PPDPF: variants seen among roughly 807,000 people sequenced by gnomAD.
The protein encoded by PPDPF is pancreatic progenitor cell differentiation and proliferation factor.
In PPDPF, 11 loss-of-function variants were observed where a neutral mutation model predicts 6.3. The observed-to-expected ratio is 1.76, with a 90% CI of 1.11 to 2.91. The LOEUF (loss-of-function observed/expected upper bound fraction) is 2.91. PPDPF is among the 30% of genes most tolerant of loss of function. The pLI is 0.00. For synonymous variants in PPDPF, 86 were observed against 64.5 expected (o/e 1.33, Z -1.60); for missense variants, 202 against 159.4 (o/e 1.27, Z -1.44).
In PPDPF at chr20:63,520,776, GCC is replaced by G; in HGVS notation, c.-143_-142del. ...GTCCGCGCGTGCGCACCCCGCGCGC[GCC>G]TCTCTGTCGTGGCGCGGCTTCCCGC... On this transcript the variant is annotated 5_prime_UTR_variant, in exon 1 of 4. Transcript: ENST00000370179. 1 of 984,654 alleles carries G rather than the reference GCC, an allele frequency of 1.0e-6. No homozygotes were observed. The highest frequency in any genetic ancestry group is 1.7e-5 in the African/African-American group (1 of 57,154). The allele number at this position is 984,654 out of a possible 1,614,324, so 61.0% of individuals were successfully genotyped here.
In PPDPF at chr20:63,521,341, G is replaced by A; in HGVS notation, c.33G>A (p.Val11=). The A allele has an allele frequency of 6.2e-7, 1 of 1,608,804 alleles. No homozygotes were observed. Among genetic ancestry groups the A allele is most frequent in the Non-Finnish European group, 8.5e-7 (1 of 1,178,508 alleles). The change falls in exon 2 of 4, where the codon GTG becomes GTA. Residue 11 remains valine (V), a synonymous_variant. Coordinates refer to ENST00000370179, the MANE Select transcript of PPDPF (RefSeq NM_024299.4). ...CCATCCCCTCCAGCGGCTCGCTCGT[G>A]GCCACCCACGACTACTACCGGCGTG... is the stretch of plus-strand genomic sequence containing the variant. MAAIPSSGSL[V]ATHDYYRRRL...
In PPDPF at chr20:63,521,667, G is replaced by T; in HGVS notation, c.134-1G>T. 1 of 1,613,308 alleles carries T rather than the reference G, an allele frequency of 6.2e-7. No homozygotes were observed. Among genetic ancestry groups the T allele is most frequent in the East Asian group, 2.2e-5 (1 of 44,842 alleles). ...TCAAGACCCCACTTCGCTTCTCTCA[G>T]GTCTCCCCAAGGCTGACCCGGGTCA... On this transcript the variant is annotated splice_acceptor_variant, in intron 3 of 3. Coordinates refer to ENST00000370179, the MANE Select transcript of PPDPF (RefSeq NM_024299.4). LOFTEE classifies it high-confidence loss of function.
Position 63,521,583 on chromosome 20 carries a change from C to A in PPDPF, c.127C>A (p.Pro43Thr). The change falls in exon 3 of 4, where the codon CCC (proline) becomes ACC (threonine). Residue 43 changes from proline (P) to threonine (T), a missense_variant. Physicochemically the swap from Pro to Thr is conservative, Grantham distance 38. Coordinates refer to ENST00000370179, the MANE Select transcript of PPDPF (RefSeq NM_024299.4). Reference protein sequence around the residue: ...TECPGEAIPHPPGLPKADPGH... With the variant: ...TECPGEAIPHTPGLPKADPGH... ...GTGCCCCGGGGAAGCCATTCCCCAC[C>A]CCCCAGGTGAGTGCAGGATCGCCCC... is the stretch of plus-strand genomic sequence containing the variant. 3 of 1,609,400 alleles carry A rather than the reference C, an allele frequency of 1.9e-6. No homozygotes were observed. Among genetic ancestry groups the A allele is most frequent in the South Asian group, 1.1e-5 (1 of 90,736 alleles).
chr20:63,520,959 G>A, intron 1 of PPDPF, 65 bp downstream of exon 1: 3 of 1,010,338 alleles, frequency 3.0e-6, no homozygotes, highest in Non-Finnish European at 3.6e-6. Context: ...GGGCGGGGCT[G>A]GGCCGGGGGC....
rs549264979 is a variant in PPDPF, at chr20:63,521,475, C to T, written c.56-37C>T. The T allele has an allele frequency of 1.7e-5, 26 of 1,556,984 alleles. No homozygotes were observed. The East Asian group carries it at 4.5e-4, about 27-fold the overall frequency. ...TGAAGGCCGGTGGGCTGGGGGGCTC[C>T]GCGCCCCGCGTTGCTGACGGGACCT... On this transcript the variant is annotated intron_variant, in intron 2 of 3. Coordinates refer to ENST00000370179, the MANE Select transcript of PPDPF (RefSeq NM_024299.4).
rs779231314 is a variant in PPDPF at position 63,521,868 on chromosome 20, C to T, written c.334C>T (p.Pro112Ser). Reference sequence around the variant, plus strand: ...TCAGTCCAGCACAGCCAGCGCTGGGCCCCCGTCCTGACCTGAGCGGTTACC... The same window carrying T: ...TCAGTCCAGCACAGCCAGCGCTGGGTCCCCGTCCTGACCTGAGCGGTTACC... Reference protein sequence around the residue: ...GGQSSTASAGPPS With the variant: ...GGQSSTASAGSPS The change falls in exon 4 of 4, where the codon CCC becomes TCC. Residue 112 changes from proline (P) to serine (S), a missense_variant. Transcript: ENST00000370179. 1.3e-6 allele frequency: 2 copies of T among 1,589,510 alleles called. No individual in the cohort carries two copies. Among genetic ancestry groups the T allele is most frequent in the South Asian group, 1.1e-5 (1 of 88,670 alleles).
At chr20:63,521,004 G>C (rs1416156727) in intron 1 of PPDPF, 110 bp downstream of exon 1, 2 of 899,636 alleles carry the variant, frequency 2.2e-6, no homozygotes, top group Non-Finnish European at 2.8e-6. Flanking sequence ...GCTGGGCTCG[G>C]GGTCCCCGGC....
Position 63,522,130 on chromosome 20 carries a change from G to C in PPDPF, c.*251G>C, listed in dbSNP as rs2082555360. 1 of 568,340 alleles carries C rather than the reference G, an allele frequency of 1.8e-6. No individual in the cohort carries two copies. The highest frequency in any genetic ancestry group is 3.2e-6 in the Non-Finnish European group (1 of 308,706). The allele number at this position is 568,340 out of a possible 1,614,324, so 35.2% of individuals were successfully genotyped here. A position where few individuals can be genotyped will look rare whatever the true frequency, so the allele number is the denominator to read the frequency against. On this transcript the variant is annotated 3_prime_UTR_variant, in exon 4 of 4. Transcript: ENST00000370179. ...CCTGACACCTGGAACTGTGCACCTG[G>C]CACCAAGCGGAAAATAAACTCCAAG...
upstream of PPDPF, chr20:63,520,760 T>A: frequency 2.0e-6 from 2 of 984,042 alleles, no homozygotes; most frequent in Non-Finnish European, 2.4e-6. Context: ...CGTCCGCGCG[T>A]GCGCACCCCG....
intron 2 of PPDPF, 34 bp from the exon 3 acceptor site, chr20:63,521,478 G>A (rs777917674): frequency 4.5e-6 from 7 of 1,556,430 alleles, no homozygotes; most frequent in Non-Finnish European, 6.1e-6. Flanking sequence ...GGGGCTCCGC[G>A]CCCCGCGTTG....
rs1441525162 is a variant in PPDPF at position 63,521,588 on chromosome 20, A to G, written c.132A>G (p.Pro44=). The G allele has an allele frequency of 1.7e-5, 28 of 1,610,378 alleles. No individual in the cohort carries two copies. The highest frequency in any genetic ancestry group is 2.4e-5 in the Non-Finnish European group (28 of 1,178,690). ...ECPGEAIPHP[P]GLPKADPGHW... ...CCGGGGAAGCCATTCCCCACCCCCC[A>G]GGTGAGTGCAGGATCGCCCCTTTCT... Residue 44 remains proline, a splice_region_variant and synonymous_variant, in exon 3 of 4, where the codon CCA becomes CCG. Coordinates refer to ENST00000370179, the MANE Select transcript of PPDPF (RefSeq NM_024299.4).
chr20:63,521,094 G>T (rs912087121), intron 1 of PPDPF, among the ~76,000 whole-genome samples, 190 bp from the exon 2 acceptor site: 2 of 152,064 alleles, frequency 1.3e-5, no homozygotes, highest in South Asian at 2.1e-4. Flanking sequence ...CGCACAAAGC[G>T]CCTTTGTTCC....
At position 63,521,500 on chromosome 20, in the gene PPDPF, T is replaced by C; in HGVS notation, c.56-12T>C. On this transcript the variant is annotated splice_polypyrimidine_tract_variant and intron_variant, in intron 2 of 3. Transcript: ENST00000370179. ...CGCGCCCCGCGTTGCTGACGGGACC[T>C]CTCCTCTCCAGGCCGCCTGGGTTCC... 1 of 1,567,394 alleles carries C rather than the reference T, an allele frequency of 6.4e-7. No homozygotes were observed. The highest frequency in any genetic ancestry group is 8.7e-7 in the Non-Finnish European group (1 of 1,155,180).
chr20:63,521,629 G>A, intron 3 of PPDPF, 39 bp from the exon 4 acceptor site: 1 of 1,612,606 alleles, frequency 6.2e-7, no homozygotes, highest in Non-Finnish European at 8.5e-7. Context: ...CGCTCCTCCA[G>A]GAGCTGGCAG....
At position 63,521,497 on chromosome 20, in the gene PPDPF, A is replaced by C. The variant is rs1569005274; in HGVS notation, c.56-15A>C. 1.3e-6 allele frequency: 2 copies of C among 1,566,922 alleles called. No homozygotes were observed. Among genetic ancestry groups the C allele is most frequent in the Non-Finnish European group, 1.7e-6 (2 of 1,154,940 alleles). On this transcript the variant is annotated splice_polypyrimidine_tract_variant and intron_variant, in intron 2 of 3. Transcript: ENST00000370179. The stretch of plus-strand genomic sequence containing the variant: ...CTCCGCGCCCCGCGTTGCTGACGGG[A>C]CCTCTCCTCTCCAGGCCGCCTGGGT...
chr20:63,521,738 G>C lies in PPDPF; in HGVS notation c.204G>C (p.Met68Ile). 6.2e-7 allele frequency: 1 copy of C among 1,613,270 alleles called. No homozygotes were observed. Among genetic ancestry groups the C allele is most frequent in the South Asian group, 1.1e-5 (1 of 91,082 alleles). The change falls in exon 4 of 4, where the codon ATG becomes ATC. Residue 68 changes from methionine to isoleucine, a missense_variant. By Grantham distance (10) the Met-to-Ile change is conservative. Transcript: ENST00000370179. ...FFFGKSTLPF[M>I]ATVLESAEHS... ...TCGGGAAGTCCACCCTCCCGTTCATGGCCACGGTGTTGGAGTCCGCAGAGC... is the reference window on the plus strand; with the variant it reads ...TCGGGAAGTCCACCCTCCCGTTCATCGCCACGGTGTTGGAGTCCGCAGAGC...
In PPDPF at chr20:63,522,047, A is replaced by T. The variant is rs1378711482; in HGVS notation, c.*168A>T. The T allele has an allele frequency of 1.6e-6, 1 of 628,430 alleles. No individual in the cohort carries two copies. Among genetic ancestry groups the T allele is most frequent in the East Asian group, 2.8e-5 (1 of 35,278 alleles). The allele number at this position is 628,430 out of a possible 1,614,324, so 38.9% of individuals were successfully genotyped here. On this transcript the variant is annotated 3_prime_UTR_variant, in exon 4 of 4. Coordinates refer to ENST00000370179, the MANE Select transcript of PPDPF (RefSeq NM_024299.4). ...AGACCTTCGCATCAACACAGCAGAC[A>T]CCAAAAACCAGTGAGAGCCCCGCTC...
rs1412978072 is a variant in PPDPF, at chr20:63,522,093, C to G, written c.*214C>G. ...CGCTCTCTACCGCCCGGCCCCAGCA[C>G]TCGCTAGCTTTCCTGACACCTGGAA... is the stretch of plus-strand genomic sequence containing the variant. On this transcript the variant is annotated 3_prime_UTR_variant, in exon 4 of 4. Transcript: ENST00000370179. 3 of 608,196 alleles carry G rather than the reference C, an allele frequency of 4.9e-6. No homozygotes were observed. Among genetic ancestry groups the G allele is most frequent in the East Asian group, 5.6e-5 (2 of 35,514 alleles). The allele number at this position is 608,196 out of a possible 1,614,324, so 37.7% of individuals were successfully genotyped here. A position where few individuals can be genotyped will look rare whatever the true frequency, so the allele number is the denominator to read the frequency against.
intron 1 of PPDPF, 112 bp downstream of exon 1, chr20:63,521,006 G>C (rs1435369256): frequency 1.2e-6 from 1 of 855,540 alleles, no homozygotes; most frequent in East Asian, 4.6e-5. Flanking sequence ...TGGGCTCGGG[G>C]TCCCCGGCGG....
Sources: allele counts gnomAD v4.1 joint callset (sites outside exome capture counted in the v4.1 genomes callset), GRCh38; gene constraint gnomAD v4.1.1; transcripts MANE v1.5; gene names NCBI Gene and HGNC (gene_info 2026-07-23, HGNC 2026-07-21).